Variants in DLG2 observed in about 807,000 individuals in gnomAD.
DLG2 encodes discs large MAGUK scaffold protein 2, also known as disks large homolog 2.
Under a neutral mutation model 132.5 loss-of-function variants are expected in DLG2, and 45 were observed. The ratio of observed to expected loss-of-function variants is 0.34; its 90% CI spans 0.27 to 0.44. The LOEUF (loss-of-function observed/expected upper bound fraction) is 0.44. Ranked by LOEUF, DLG2 falls within the 20% of genes least tolerant of loss-of-function variation. The pLI is 1.00. For missense variants in DLG2, 1,045 were observed against 1,196.9 expected (o/e 0.87, Z 1.87); for synonymous variants, 424 against 419.6 (o/e 1.01, Z -0.13).
chr11:85,485,083 T>A (rs1197182960), intron 3 of DLG2, among the ~76,000 whole-genome samples: 1 of 152,042 alleles, frequency 6.6e-6, no homozygotes, highest in Admixed American at 6.5e-5. Flanking sequence ...ACCATCATTC[T>A]CAGCAAACTA....
intron 4 of DLG2, among the ~76,000 whole-genome samples, chr11:85,212,490 T>G (rs930429413): frequency 6.6e-6 from 1 of 152,154 alleles, no homozygotes; most frequent in African/African-American, 2.4e-5. Context: ...GAGGACTGAC[T>G]GTGCTGACTT....
chr11:84,533,905 C>CAAAAAAAAAAAAAAAAAAAAAAAAA lies in DLG2; in HGVS notation c.519+640_519+664dup, dbSNP rs558597260. On this transcript the variant is annotated intron_variant, in intron 7 of 27. Transcript: ENST00000376104. ...CAAAATCCAGTAGCGCCAGTTCAGC[C>CAAAAAAAAAAAAAAAAAAAAAAAAA]AAAAAAAAAAAAAAAAAAAAAAAAA... Among the ~76,000 whole-genome samples, 19 of 70,278 alleles carry CAAAAAAAAAAAAAAAAAAAAAAAAA rather than the reference C, an allele frequency of 2.7e-4. 1 individual carries two copies. The highest frequency in any genetic ancestry group is 7.6e-4 in the South Asian group (1 of 1,322). The allele number at this position is 70,278 out of a possible 152,430, so 46.1% of individuals were successfully genotyped here. A position where few individuals can be genotyped will look rare whatever the true frequency, so the allele number is the denominator to read the frequency against.
intron 6 of DLG2, among the ~76,000 whole-genome samples, chr11:84,706,577 T>C (rs2059803823): frequency 6.6e-6 from 1 of 151,766 alleles, no homozygotes; most frequent in East Asian, 1.9e-4. Context: ...GTCCTGAACA[T>C]TAACACGCTG....
intron 8 of DLG2, among the ~76,000 whole-genome samples, chr11:84,232,156 C>T (rs12277130): frequency 8.5e-5 from 13 of 152,286 alleles, no homozygotes; most frequent in East Asian, 1.9e-4. Flanking sequence ...TTACAATTCT[C>T]GTATCACCTT....
At chr11:85,582,863 T>G in intron 3 of DLG2, among the ~76,000 whole-genome samples, 1 of 149,406 alleles carries the variant, frequency 6.7e-6, no homozygotes, top group African/African-American at 2.5e-5. Context: ...ATTAAGGCAT[T>G]TTGTAAGGAC....
At chr11:83,701,635 T>A (rs2082960530) in intron 18 of DLG2, among the ~76,000 whole-genome samples, 1 of 152,196 alleles carries the variant, frequency 6.6e-6, no homozygotes, top group East Asian at 1.9e-4. Context: ...TACCGGGACA[T>A]ACAAAGGAAG....
intron 16 of DLG2, among the ~76,000 whole-genome samples, chr11:83,849,701 G>C (rs970861958): frequency 6.6e-6 from 1 of 150,820 alleles, no homozygotes; most frequent in African/African-American, 2.4e-5. Context: ...GCTTTGCAAG[G>C]GCAGATGCAG....
intron 7 of DLG2, among the ~76,000 whole-genome samples, chr11:84,479,902 C>G (rs1240688051): frequency 1.3e-5 from 2 of 152,066 alleles, no homozygotes; most frequent in African/African-American, 4.8e-5. Flanking sequence ...CAGGGAGAAG[C>G]AAGATATTGG....
At position 84,832,318 on chromosome 11, in the gene DLG2, A is replaced by C. The variant is rs566740906; in HGVS notation, c.357+279343T>G. Among the ~76,000 whole-genome samples the C allele has an allele frequency of 1.7e-3, 263 of 151,818 alleles. 1 individual carries two copies. The highest frequency in any genetic ancestry group is 2.8e-3 in the Admixed American group (43 of 15,204). ...TTTTGTAAGACTGATTTAGGTTCAG[A>C]AGCAACAAACCCTTTTGGTCTTTTG... On this transcript the variant is annotated intron_variant, in intron 6 of 27. Coordinates refer to ENST00000376104, the MANE Select transcript of DLG2 (RefSeq NM_001142699.3).
chr11:85,293,335 T>C (rs1409451754), intron 3 of DLG2, among the ~76,000 whole-genome samples: 2 of 152,078 alleles, frequency 1.3e-5, no homozygotes, highest in Admixed American at 6.6e-5. Flanking sequence ...ACGCAGGAGA[T>C]AGGAGCAACA....
chr11:84,302,902 C>T (rs774270916), intron 7 of DLG2, among the ~76,000 whole-genome samples: 22 of 151,798 alleles, frequency 1.4e-4, no homozygotes, highest in Non-Finnish European at 2.4e-4. Context: ...GCTTGGCCAA[C>T]GTGGTCAAAA....
chr11:84,587,979 A>G (rs2099533730), intron 6 of DLG2, among the ~76,000 whole-genome samples: 1 of 152,064 alleles, frequency 6.6e-6, no homozygotes. Flanking sequence ...TGCACTTCCT[A>G]TTACGATAGC....
chr11:84,658,305 TTAAG>T (rs1479979062), intron 6 of DLG2, among the ~76,000 whole-genome samples: 1 of 152,046 alleles, frequency 6.6e-6, no homozygotes, highest in East Asian at 1.9e-4. Flanking sequence ...CTAGGTTCAT[TTAAG>T]TGAGTGATAT....
intron 7 of DLG2, among the ~76,000 whole-genome samples, chr11:84,459,084 T>C (rs551963302): frequency 3.2e-4 from 48 of 149,848 alleles, no homozygotes; most frequent in South Asian, 2.1e-4. Context: ...TTAACTACTC[T>C]TTTTTTTTGC....
intron 21 of DLG2, among the ~76,000 whole-genome samples, chr11:83,503,510 A>G (rs191897376): frequency 6.6e-6 from 1 of 150,566 alleles, no homozygotes; most frequent in East Asian, 2.0e-4. Flanking sequence ...GTCTCACAAT[A>G]AGGCATCTGC....
intron 6 of DLG2, among the ~76,000 whole-genome samples, chr11:85,028,481 G>A (rs965670001): frequency 1.5e-4 from 23 of 152,114 alleles, no homozygotes; most frequent in Admixed American, 8.5e-4. Flanking sequence ...TGATCATGTC[G>A]TCCACAGAGC....
intron 9 of DLG2, among the ~76,000 whole-genome samples, chr11:84,148,556 T>A (rs2095175424): frequency 1.3e-5 from 2 of 152,108 alleles, no homozygotes; most frequent in South Asian, 2.1e-4. Flanking sequence ...AGGATATGGT[T>A]TTTTTATGGC....
intron 3 of DLG2, among the ~76,000 whole-genome samples, chr11:85,495,921 CAT>C (rs1170763698): frequency 6.6e-6 from 1 of 152,172 alleles, no homozygotes; most frequent in Non-Finnish European, 1.5e-5. Context: ...AAATGTGGCA[CAT>C]GATTGGCTTC....
intron 8 of DLG2, among the ~76,000 whole-genome samples, chr11:84,246,782 T>C (rs1183848341): frequency 6.6e-6 from 1 of 152,150 alleles, no homozygotes; most frequent in Non-Finnish European, 1.5e-5. Flanking sequence ...TTGGAATGTG[T>C]CATCCATGGA....
Sources: allele counts gnomAD v4.1 joint callset (sites outside exome capture counted in the v4.1 genomes callset), GRCh38; gene constraint gnomAD v4.1.1; transcripts MANE v1.5; gene names NCBI Gene and HGNC (gene_info 2026-07-23, HGNC 2026-07-21).